MAP2K5: variants seen among roughly 807,000 people sequenced by gnomAD.
MAP2K5 encodes the protein dual specificity mitogen-activated protein kinase kinase 5.
In MAP2K5, 49 loss-of-function variants were observed where a neutral mutation model predicts 83.1. That is an observed-to-expected ratio of 0.59 (90% CI 0.47 to 0.75). The LOEUF is 0.75. MAP2K5 is among the 30% of genes least tolerant of loss of function. MAP2K5 has a pLI of 0.00. For synonymous variants in MAP2K5, 202 were observed against 191.8 expected (o/e 1.05, Z -0.44); for missense variants, 457 against 557.5 (o/e 0.82, Z 1.82).
At chr15:67,762,991 G>T (rs1000175780) in intron 19 of MAP2K5, among the ~76,000 whole-genome samples, 2 of 152,092 alleles carry the variant, frequency 1.3e-5, no homozygotes, top group Non-Finnish European at 2.9e-5. Context: ...AATTTGTCAC[G>T]CCTGGCAGCC....
rs2085310293 is a variant in MAP2K5 at position 67,587,308 on chromosome 15, G to A, written c.431+395G>A. 6.6e-6 allele frequency among the ~76,000 whole-genome samples: 1 copy of A among 152,162 alleles called. No individual in the cohort carries two copies. ...AGGAGTGATAGGAGCTAAGGAGGTA[G>A]ACAGGACTTATCATGCGGGGCCTCG... On this transcript the variant is annotated intron_variant, in intron 6 of 21. Coordinates refer to ENST00000178640, the MANE Select transcript of MAP2K5 (RefSeq NM_145160.3). This position sits in a 1 kb window ranked among gnomAD's most constrained non-coding sequence, Gnocchi z 4.8.
In MAP2K5 at chr15:67,711,046, T is replaced by G. The variant is rs75215691; in HGVS notation, c.1044+7638T>G. Among the ~76,000 whole-genome samples, 6 of 152,370 alleles carry G rather than the reference T, an allele frequency of 3.9e-5. No individual in the cohort carries two copies. The East Asian group carries it at 1.2e-3, about 29-fold the overall frequency. On this transcript the variant is annotated intron_variant, in intron 16 of 21. Coordinates refer to ENST00000178640, the MANE Select transcript of MAP2K5 (RefSeq NM_145160.3). ...TTCTGACCTTCACCTGCATCTTCCT[T>G]GTGGCATGTAAATTGTCCACTTTGT...
rs28663530 is a variant in MAP2K5 at position 67,609,530 on chromosome 15, T to A, written c.545+8781T>A. On this transcript the variant is annotated intron_variant, in intron 8 of 21. Coordinates refer to ENST00000178640, the MANE Select transcript of MAP2K5 (RefSeq NM_145160.3). ...TAGACCTATTCTATAGGTCTGTAGA[T>A]TCTGTAGACCTATTCTATAGGTCTG... Among the ~76,000 whole-genome samples the A allele has an allele frequency of 3.5e-3, 104 of 30,092 alleles. 18 individuals carry two copies. The highest frequency in any genetic ancestry group is 6.9e-3 in the African/African-American group (55 of 7,972). The allele number at this position is 30,092 out of a possible 152,430, so 19.7% of individuals were successfully genotyped here.
chr15:67,664,541 G>T, intron 12 of MAP2K5, 56 bp from the exon 13 acceptor site: 3 of 1,128,580 alleles, frequency 2.7e-6, no homozygotes, highest in Admixed American at 2.0e-5. Context: ...AATATGGAAA[G>T]TTCCTTTTAA....
At chr15:67,586,720 T>G in intron 5 of MAP2K5, 126 bp from the exon 6 acceptor site, 1 of 809,014 alleles carries the variant, frequency 1.2e-6, no homozygotes, top group Non-Finnish European at 2.2e-6. Flanking sequence ...ACTCCAACTG[T>G]GGGTTTGTCT....
chr15:67,582,312 G>A (rs1372405605), intron 4 of MAP2K5, among the ~76,000 whole-genome samples: 1 of 151,944 alleles, frequency 6.6e-6, no homozygotes, highest in African/African-American at 2.4e-5. Context: ...CACTCCCCTC[G>A]GCCTCCCAAA....
intron 11 of MAP2K5, among the ~76,000 whole-genome samples, chr15:67,655,440 T>A (rs370039700): frequency 8.5e-5 from 13 of 152,210 alleles, no homozygotes; most frequent in African/African-American, 3.1e-4. Flanking sequence ...CCCAGTTTAT[T>A]TGAGAGTATC....
intron 8 of MAP2K5, 74 bp downstream of exon 8, chr15:67,600,823 G>T: frequency 9.0e-7 from 1 of 1,115,844 alleles, no homozygotes. Flanking sequence ...CTGTGGCAAA[G>T]ATTTTTAAAT....
intron 1 of MAP2K5, among the ~76,000 whole-genome samples, chr15:67,544,774 T>TA (rs1567262452): frequency 6.6e-6 from 1 of 152,224 alleles, no homozygotes; most frequent in Non-Finnish European, 1.5e-5. Flanking sequence ...TTGTCTTGGG[T>TA]AACTTAATCA....
rs147416771 is a variant in MAP2K5, at chr15:67,576,416, A to C, written c.253-4338A>C. Reference sequence around the variant, plus strand: ...ACTTGCAAACAAAACAAAGCAAAAAATTGTACTTGTTATCCCCTTGTTGAA... The same window carrying C: ...ACTTGCAAACAAAACAAAGCAAAAACTTGTACTTGTTATCCCCTTGTTGAA... On this transcript the variant is annotated intron_variant, in intron 3 of 21. Transcript: ENST00000178640. Among the ~76,000 whole-genome samples the C allele has an allele frequency of 9.4e-3, 1,385 of 148,106 alleles. 158 individuals carry two copies. The highest frequency in any genetic ancestry group is 0.068 in the Admixed American group (1,017 of 14,880).
At chr15:67,721,475 C>G (rs1239044076) in intron 16 of MAP2K5, among the ~76,000 whole-genome samples, 1 of 152,194 alleles carries the variant, frequency 6.6e-6, no homozygotes, top group African/African-American at 2.4e-5. Flanking sequence ...TCTCAGACTA[C>G]TTGGCACTTT....
intron 13 of MAP2K5, 85 bp from the exon 14 acceptor site, chr15:67,692,394 G>T (rs2141201727): frequency 3.7e-6 from 3 of 816,036 alleles, no homozygotes; most frequent in East Asian, 5.1e-5. Flanking sequence ...TCTGCAACTT[G>T]GTGTGGTGTG....
At position 67,613,172 on chromosome 15, in the gene MAP2K5, CTTAAA is replaced by C. The variant is rs112417288; in HGVS notation, c.545+12429_545+12433del. ...CAGTTTAATTAGAAGCTGGATGATT[CTTAAA>C]TTAAAGTTGTCTTATTTTCATTGCA... On this transcript the variant is annotated intron_variant, in intron 8 of 21. Transcript: ENST00000178640. Among the ~76,000 whole-genome samples the C allele has an allele frequency of 9.7e-3, 1,480 of 152,274 alleles. 30 individuals are homozygous for C. Among genetic ancestry groups the C allele is most frequent in the African/African-American group, 0.034 (1,415 of 41,544 alleles).
At chr15:67,570,272 C>T (rs1465942314) in intron 3 of MAP2K5, among the ~76,000 whole-genome samples, 1 of 152,210 alleles carries the variant, frequency 6.6e-6, no homozygotes, top group Non-Finnish European at 1.5e-5. Context: ...CTGTCATTTT[C>T]ACTTTCAAGT....
Position 67,650,773 on chromosome 15 carries a change from A to T in MAP2K5, c.736+4304A>T, listed in dbSNP as rs138027497. ...ATTTTTGTATTCATATTTATGAGGG[A>T]CATTGGTCTAGTTTTCTTTTTTTGT... On this transcript the variant is annotated intron_variant, in intron 11 of 21. Transcript: ENST00000178640. Among the ~76,000 whole-genome samples, 6 of 152,002 alleles carry T rather than the reference A, an allele frequency of 3.9e-5. No homozygotes were observed. In the East Asian group the frequency reaches 1.2e-3, roughly 29 times the overall value.
rs894611162 is a variant in MAP2K5 at position 67,652,096 on chromosome 15, T to C, written c.736+5627T>C. On this transcript the variant is annotated intron_variant, in intron 11 of 21. Coordinates refer to ENST00000178640, the MANE Select transcript of MAP2K5 (RefSeq NM_145160.3). This position sits in a 1 kb window ranked among gnomAD's most constrained non-coding sequence, Gnocchi z 4.2. ...AGGATATCTCACTGTGGTTTTGATT[T>C]GCATTTCCCTGGTGATTAGTGATGT... 6.6e-6 allele frequency among the ~76,000 whole-genome samples: 1 copy of C among 152,202 alleles called. No homozygotes were observed. Among genetic ancestry groups the C allele is most frequent in the African/African-American group, 2.4e-5 (1 of 41,454 alleles).
chr15:67,692,302 C>T (rs925620774), intron 13 of MAP2K5, among the ~76,000 whole-genome samples, 177 bp from the exon 14 acceptor site: 7 of 152,052 alleles, frequency 4.6e-5, no homozygotes, highest in Admixed American at 2.6e-4. Context: ...GAGTTAAGAC[C>T]TTACATTTTA....
chr15:67,709,195 T>C (rs1211700827), intron 16 of MAP2K5, among the ~76,000 whole-genome samples: 3 of 152,304 alleles, frequency 2.0e-5, no homozygotes, highest in East Asian at 1.9e-4. Context: ...ACATATGGGA[T>C]TTGTGTGGGC....
chr15:67,544,946 T>A (rs932665363), intron 1 of MAP2K5, among the ~76,000 whole-genome samples: 4 of 152,152 alleles, frequency 2.6e-5, no homozygotes, highest in Non-Finnish European at 5.9e-5. Flanking sequence ...ACATACAGAT[T>A]TCCCCTCATG....
Sources: gnomAD v4.1 joint callset for allele counts (sites outside exome capture counted in the v4.1 genomes callset) on GRCh38, gnomAD v4.1.1 for gene constraint, Gnocchi (gnomAD v3.1) non-coding constraint, MANE v1.5 for transcripts, NCBI Gene and HGNC (gene_info 2026-07-23, HGNC 2026-07-21) for gene names.